The following TAF1L variants were observed in gnomAD, a reference collection of about 807,000 sequenced individuals.
TAF1L encodes TATA-box binding protein associated factor 1 like.
A neutral mutation model predicts 128.8 loss-of-function variants in TAF1L; 30 were observed. The ratio of observed to expected loss-of-function variants is 0.23; its 90% CI spans 0.17 to 0.32. The LOEUF is 0.32. Among genes scored for constraint, TAF1L ranks in the 10% least tolerant of loss-of-function variants. The pLI is 1.00. For synonymous variants in TAF1L, 764 were observed against 790.7 expected, an observed-to-expected ratio of 0.97 and a Z score of 0.57; for missense variants, 2,099 against 2,253.7, an observed-to-expected ratio of 0.93 and a Z score of 1.39.
At position 32,631,959 on chromosome 9, in the gene TAF1L, T is replaced by C. The variant is rs371960425; in HGVS notation, c.3621A>G (p.Pro1207=). Residue 1207 remains proline (P), a synonymous_variant, in exon 1 of 1, where the codon CCA becomes CCG. Coordinates refer to ENST00000242310, the MANE Select transcript of TAF1L (RefSeq NM_153809.2). The surrounding 1 kb of genome is among the most constrained non-coding windows in gnomAD (Gnocchi z 4.1). ...EYVRCETVRK[P]AVIDAYVRIR... is the part of the protein sequence containing the mutation. ...TGCGCACATAGGCATCAATGACAGC[T>C]GGTTTTCGGACTGTCTCACAGCGAA... 6.8e-6 allele frequency: 11 copies of C among 1,614,122 alleles called. No individual in the cohort carries two copies. Among genetic ancestry groups the C allele is most frequent in the Middle Eastern group, 3.3e-4 (2 of 6,084 alleles).
Position 32,630,211 on chromosome 9 carries a change from TGGATAGCAGAGAAA to T in TAF1L, c.5355_5368del (p.Phe1786AlafsTer3). On this transcript the variant is annotated frameshift_variant, in exon 1 of 1. Coordinates refer to ENST00000242310, the MANE Select transcript of TAF1L (RefSeq NM_153809.2). LOFTEE classifies it high-confidence loss of function. ...AGAGTCACTTCCACTTTCACTCAGC[TGGATAGCAGAGAAA>T]GGATTGTCTCCTTCTTCGTCACTCC... 6.2e-7 allele frequency: 1 copy of T among 1,614,240 alleles called. No homozygotes were observed. The highest frequency in any genetic ancestry group is 2.2e-5 in the East Asian group (1 of 44,892).
At position 32,631,867 on chromosome 9, in the gene TAF1L, T is replaced by A; in HGVS notation, c.3713A>T (p.Glu1238Val). ...AATCCTCCGCCGTTCTTTCCGCATC[T>A]CTTCCCGATGTTTTTCATCAAAAAG... The part of the protein sequence containing the change: ...FALFDEKHRE[E>V]MRKERRRIQE... The change falls in exon 1 of 1, where the codon GAG (glutamate) becomes GTG (valine). Residue 1238 changes from glutamate (E) to valine (V), a missense_variant. By Grantham distance (121) the Glu-to-Val change is moderately radical (BLOSUM62 -2). This residue lies in a region of TAF1L where 1,213 missense variants were observed against 1,391.4 expected (regional missense o/e 0.87). Transcript: ENST00000242310. This position sits in a 1 kb window ranked among gnomAD's most constrained non-coding sequence, Gnocchi z 4.1. The A allele has an allele frequency of 6.2e-7, 1 of 1,614,110 alleles. No individual in the cohort carries two copies. Among genetic ancestry groups the A allele is most frequent in the African/African-American group, 1.3e-5 (1 of 74,936 alleles).
In TAF1L at chr9:32,630,696, CT is replaced by C; in HGVS notation, c.4883del (p.Glu1628GlyfsTer3). ...ICYQTITEYD[E>X]HLTQLEKDIC... ...TATCCTTCTCAAGTTGAGTCAAATG[CT>C]CATCATACTCAGTAATTGTCTGGTA... is the stretch of plus-strand genomic sequence containing the variant. On this transcript the variant is annotated frameshift_variant, in exon 1 of 1. Transcript: ENST00000242310. LOFTEE classifies it high-confidence loss of function. 6.2e-7 allele frequency: 1 copy of C among 1,614,166 alleles called. No individual in the cohort carries two copies. Among genetic ancestry groups the C allele is most frequent in the East Asian group, 2.2e-5 (1 of 44,884 alleles).
In TAF1L at chr9:32,633,025, G is replaced by T; in HGVS notation, c.2555C>A (p.Ala852Asp). Residue 852 changes from alanine to aspartate, a missense_variant, in exon 1 of 1, where the codon GCC becomes GAC. Ala to Asp is a moderately radical substitution (Grantham distance 126). This residue lies in a region of TAF1L where 1,213 missense variants were observed against 1,391.4 expected (regional missense o/e 0.87). Coordinates refer to ENST00000242310, the MANE Select transcript of TAF1L (RefSeq NM_153809.2). ...GCTGCTTTCTGAATGGGAAGGAAAGGCTTTTTTTATATCTTCCATTCGTAT... is the reference window on the plus strand; with the variant it reads ...GCTGCTTTCTGAATGGGAAGGAAAGTCTTTTTTTATATCTTCCATTCGTAT... ...RRIRMEDIKK[A>D]FPSHSESSIR... is the part of the protein sequence containing the mutation. 1 of 1,614,130 alleles carries T rather than the reference G, an allele frequency of 6.2e-7. No homozygotes were observed. The highest frequency in any genetic ancestry group is 1.1e-5 in the South Asian group (1 of 91,080).
rs752051578 is a variant in TAF1L, at chr9:32,634,995, C to A, written c.585G>T (p.Leu195Phe). Residue 195 changes from leucine (L) to phenylalanine (F), a missense_variant, in exon 1 of 1, where the codon TTG becomes TTT. Leu to Phe is a conservative substitution (Grantham distance 22). This residue lies in a region of TAF1L where 473 missense variants were observed against 429.6 expected (regional missense o/e 1.10). Coordinates refer to ENST00000242310, the MANE Select transcript of TAF1L (RefSeq NM_153809.2). ...TACTGAAATCCACTTTCTCTGAGGC[C>A]AAAAAGGAAGGGGCAATGATGGAGG... ...ILPSIIAPSF[L>F]ASEKVDFSSY... 7.4e-6 allele frequency: 12 copies of A among 1,613,926 alleles called. No homozygotes were observed. Among genetic ancestry groups the A allele is most frequent in the Non-Finnish European group, 9.3e-6 (11 of 1,179,986 alleles).
Position 32,630,052 on chromosome 9 carries a change from C to G in TAF1L, c.*47G>C. The stretch of plus-strand genomic sequence containing the variant: ...TAACTGATGTTGCTATCCTCCAAAT[C>G]ATGGGAAGCCTCCCCACCGTCTCCC... On this transcript the variant is annotated 3_prime_UTR_variant, in exon 1 of 1. Coordinates refer to ENST00000242310, the MANE Select transcript of TAF1L (RefSeq NM_153809.2). 6.2e-7 allele frequency: 1 copy of G among 1,608,310 alleles called. No homozygotes were observed.
Position 32,631,879 on chromosome 9 carries a change from T to C in TAF1L, c.3701A>G (p.Lys1234Arg), listed in dbSNP as rs1480769129. The C allele has an allele frequency of 1.2e-6, 2 of 1,614,104 alleles. No individual in the cohort carries two copies. Among genetic ancestry groups the C allele is most frequent in the African/African-American group, 2.7e-5 (2 of 74,928 alleles). ...TTCTTTCCGCATCTCTTCCCGATGT[T>C]TTTCATCAAAAAGGGCAAATTTTTG... ...FIQKFALFDE[K>R]HREEMRKERR... Residue 1234 changes from lysine to arginine, a missense_variant, in exon 1 of 1, where the codon AAA (lysine) becomes AGA (arginine). Lys to Arg is a conservative substitution (Grantham distance 26). Around this residue, in one of 4 missense-constraint regions of TAF1L, gnomAD observed 1,213 missense variants for 1,391.4 expected, o/e 0.87. Transcript: ENST00000242310. The surrounding 1 kb of genome is among the most constrained non-coding windows in gnomAD (Gnocchi z 4.1).
rs753460641 is a variant in TAF1L, at chr9:32,631,414, G to A, written c.4166C>T (p.Pro1389Leu). ...TTVHCDYLNI[P>L]HKSIHRRRTD... ...GCGGCGTCGGTGGATGGACTTATGA[G>A]GTATATTCAAATAGTCACAATGAAC... Residue 1389 changes from proline (P) to leucine (L), a missense_variant, in exon 1 of 1, where the codon CCT becomes CTT. Pro to Leu is a moderately conservative substitution (Grantham distance 98). Around this residue, in one of 4 missense-constraint regions of TAF1L, gnomAD observed 1,213 missense variants for 1,391.4 expected, o/e 0.87. Transcript: ENST00000242310. The surrounding 1 kb of genome is among the most constrained non-coding windows in gnomAD (Gnocchi z 4.1). 1.2e-6 allele frequency: 2 copies of A among 1,614,020 alleles called. No homozygotes were observed. The highest frequency in any genetic ancestry group is 1.7e-6 in the Non-Finnish European group (2 of 1,180,052).
Position 32,634,272 on chromosome 9 carries a change from A to G in TAF1L, c.1308T>C (p.Asp436=), listed in dbSNP as rs774069855. 1 of 1,614,138 alleles carries G rather than the reference A, an allele frequency of 6.2e-7. No individual in the cohort carries two copies. Among genetic ancestry groups the G allele is most frequent in the South Asian group, 1.1e-5 (1 of 91,080 alleles). The change falls in exon 1 of 1, where the codon GAT becomes GAC. Residue 436 remains aspartate (D), a synonymous_variant. Coordinates refer to ENST00000242310, the MANE Select transcript of TAF1L (RefSeq NM_153809.2). ...TCCCTTTGTGTTTGATATCCTCCCC[A>G]TCCCAGATGATAGAATCCTCCCAAT... ...QLHWEDSIIW[D]GEDIKHKGTK... is the part of the protein sequence containing the mutation.
At position 32,633,207 on chromosome 9, in the gene TAF1L, A is replaced by G. The variant is rs1822539526; in HGVS notation, c.2373T>C (p.Tyr791=). The G allele has an allele frequency of 2.2e-5, 35 of 1,614,218 alleles. No homozygotes were observed. The highest frequency in any genetic ancestry group is 3.0e-5 in the Non-Finnish European group (35 of 1,180,044). The change falls in exon 1 of 1, where the codon TAT becomes TAC. Residue 791 remains tyrosine, a synonymous_variant. Coordinates refer to ENST00000242310, the MANE Select transcript of TAF1L (RefSeq NM_153809.2). ...FLIIRTRQGY[Y]IRELVDIFVV... ...CAAAAATATCCACTAATTCCCGAATATAGTAACCCTGTCTTGTCCGAATGA... is the reference window on the plus strand; with the variant it reads ...CAAAAATATCCACTAATTCCCGAATGTAGTAACCCTGTCTTGTCCGAATGA...
rs1822529870 is a variant in TAF1L at position 32,632,449 on chromosome 9, A to T, written c.3131T>A (p.Val1044Glu). The T allele has an allele frequency of 4.3e-6, 7 of 1,614,168 alleles. No homozygotes were observed. Among genetic ancestry groups the T allele is most frequent in the Admixed American group, 1.7e-5 (1 of 60,026 alleles). The change falls in exon 1 of 1, where the codon GTG becomes GAG. Residue 1044 changes from valine to glutamate, a missense_variant. Val to Glu is a moderately radical substitution (Grantham distance 121). Coordinates refer to ENST00000242310, the MANE Select transcript of TAF1L (RefSeq NM_153809.2). The surrounding 1 kb of genome is among the most constrained non-coding windows in gnomAD (Gnocchi z 4.4). ...EEIKKLSRWE[V>E]IDVVRTMSTE... Reference sequence around the variant, plus strand: ...TGACATTGTGCGCACCACATCAATCACTTCCCAGCGGGACAACTTTTTAAT... The same window carrying T: ...TGACATTGTGCGCACCACATCAATCTCTTCCCAGCGGGACAACTTTTTAAT...
In TAF1L at chr9:32,633,688, A is replaced by G. The variant is rs1587671823; in HGVS notation, c.1892T>C (p.Ile631Thr). Residue 631 changes from isoleucine to threonine, a missense_variant, in exon 1 of 1, where the codon ATC becomes ACC. Ile to Thr is a moderately conservative substitution (Grantham distance 89). Around this residue, in one of 4 missense-constraint regions of TAF1L, gnomAD observed 1,213 missense variants for 1,391.4 expected, o/e 0.87. Coordinates refer to ENST00000242310, the MANE Select transcript of TAF1L (RefSeq NM_153809.2). ...CAGAGGTGGGCGATGGAACTGCCGG[A>G]TTTTGATGGGCCCCATGTGGGTGGG... ...FFPTHMGPIK[I>T]RQFHRPPLKK... 4 of 1,614,100 alleles carry G rather than the reference A, an allele frequency of 2.5e-6. No homozygotes were observed. In the East Asian group the frequency reaches 6.7e-5, roughly 27 times the overall value.
chr9:32,635,457 A>G lies in TAF1L; in HGVS notation c.123T>C (p.Leu41=). 1 of 1,614,176 alleles carries G rather than the reference A, an allele frequency of 6.2e-7. No individual in the cohort carries two copies. Among genetic ancestry groups the G allele is most frequent in the Non-Finnish European group, 8.5e-7 (1 of 1,180,032 alleles). ...GCCCCGCTCCACTGATGTTGCCGAA[A>G]AGGATACCCGCTAAAGTAAATGGGC... is the stretch of plus-strand genomic sequence containing the variant. ...GGGPFTLAGI[L]FGNISGAGQL... The change falls in exon 1 of 1, where the codon CTT becomes CTC. Residue 41 remains leucine (L), a synonymous_variant. Coordinates refer to ENST00000242310, the MANE Select transcript of TAF1L (RefSeq NM_153809.2).
rs777168319 is a variant in TAF1L at position 32,630,172 on chromosome 9, C to T, written c.5408G>A (p.Gly1803Asp). 1 of 1,614,208 alleles carries T rather than the reference C, an allele frequency of 6.2e-7. No individual in the cohort carries two copies. ...ESGSDSDVGY[G>D]GIRPKQPFML... is the part of the protein sequence containing the mutation. The stretch of plus-strand genomic sequence containing the variant: ...GAAGGGTTGTTTGGGTCTTATTCCA[C>T]CATATCCCACATCAGAGTCACTTCC... Residue 1803 changes from glycine to aspartate, a missense_variant, in exon 1 of 1, where the codon GGT becomes GAT. This residue lies in a region of TAF1L where 404 missense variants were observed against 406.5 expected (regional missense o/e 0.99). Transcript: ENST00000242310.
Position 32,630,701 on chromosome 9 carries a change from C to T in TAF1L, c.4879G>A (p.Asp1627Asn). The change falls in exon 1 of 1, where the codon GAT becomes AAT. Residue 1627 changes from aspartate (D) to asparagine (N), a missense_variant. This residue lies in a region of TAF1L where 404 missense variants were observed against 406.5 expected (regional missense o/e 0.99). Transcript: ENST00000242310. The stretch of plus-strand genomic sequence containing the variant: ...TTCTCAAGTTGAGTCAAATGCTCAT[C>T]ATACTCAGTAATTGTCTGGTAACAG... Reference protein sequence around the residue: ...NICYQTITEYDEHLTQLEKDI... With the variant: ...NICYQTITEYNEHLTQLEKDI... 2.5e-6 allele frequency: 4 copies of T among 1,614,176 alleles called. No homozygotes were observed. Among genetic ancestry groups the T allele is most frequent in the Non-Finnish European group, 3.4e-6 (4 of 1,180,036 alleles).
Position 32,631,123 on chromosome 9 carries a change from G to A in TAF1L, c.4457C>T (p.Thr1486Ile). 6.2e-7 allele frequency: 1 copy of A among 1,614,236 alleles called. No homozygotes were observed. The highest frequency in any genetic ancestry group is 1.3e-5 in the African/African-American group (1 of 75,072). Residue 1486 changes from threonine to isoleucine, a missense_variant, in exon 1 of 1, where the codon ACT becomes ATT. By Grantham distance (89) the Thr-to-Ile change is moderately conservative. This residue lies in a region of TAF1L where 404 missense variants were observed against 406.5 expected (regional missense o/e 0.99). Transcript: ENST00000242310. The surrounding 1 kb of genome is among the most constrained non-coding windows in gnomAD (Gnocchi z 4.1). ...ATCCAGCATGGATTGAGAGATCTGA[G>A]TCAATGAATGTTTTGGCCCATTGTA... ...ATYNGPKHSL[T>I]QISQSMLDLC...
chr9:32,634,326 G>A lies in TAF1L; in HGVS notation c.1254C>T (p.Asp418=), dbSNP rs757349383. 17 of 1,614,012 alleles carry A rather than the reference G, an allele frequency of 1.1e-5. No homozygotes were observed. Among genetic ancestry groups the A allele is most frequent in the East Asian group, 2.2e-5 (1 of 44,890 alleles). The change falls in exon 1 of 1, where the codon GAC becomes GAT. Residue 418 remains aspartate, a synonymous_variant. Coordinates refer to ENST00000242310, the MANE Select transcript of TAF1L (RefSeq NM_153809.2). ...GCTGTGTCACCATCAGGAAGTTTTC[G>A]TCAGCCAGAAGATCAGTGCCATTGC... ...EESNGTDLLA[D]ENFLMVTQLH... is the part of the protein sequence containing the mutation.
In TAF1L at chr9:32,632,584, T is replaced by G. The variant is rs1822531489; in HGVS notation, c.2996A>C (p.Glu999Ala). ...CACTGTCTTCTTCACTGCCTGTGGC[T>G]CTTTATCATCCTTCTGCTGTGTTGG... ...NKPTQQKDDK[E>A]PQAVKKTVTG... Residue 999 changes from glutamate to alanine, a missense_variant, in exon 1 of 1, where the codon GAG (glutamate) becomes GCG (alanine). Around this residue, in one of 4 missense-constraint regions of TAF1L, gnomAD observed 1,213 missense variants for 1,391.4 expected, o/e 0.87. Coordinates refer to ENST00000242310, the MANE Select transcript of TAF1L (RefSeq NM_153809.2). The surrounding 1 kb of genome is among the most constrained non-coding windows in gnomAD (Gnocchi z 4.4). 6.2e-7 allele frequency: 1 copy of G among 1,614,136 alleles called. No homozygotes were observed. The highest frequency in any genetic ancestry group is 1.3e-5 in the African/African-American group (1 of 74,954).
Position 32,632,047 on chromosome 9 carries a change from G to A in TAF1L, c.3533C>T (p.Ser1178Phe). 6.2e-7 allele frequency: 1 copy of A among 1,614,182 alleles called. No homozygotes were observed. Among genetic ancestry groups the A allele is most frequent in the Non-Finnish European group, 8.5e-7 (1 of 1,180,040 alleles). ...VTASMTSLKS[S>F]ATGHCLKIYR... is the part of the protein sequence containing the mutation. Reference sequence around the variant, plus strand: ...AATCTTGAGACAGTGTCCAGTGGCAGAAGACTTAAGGCTAGTCATGGAAGC... The same window carrying A: ...AATCTTGAGACAGTGTCCAGTGGCAAAAGACTTAAGGCTAGTCATGGAAGC... The change falls in exon 1 of 1, where the codon TCT (serine) becomes TTT (phenylalanine). Residue 1178 changes from serine (S) to phenylalanine (F), a missense_variant. Around this residue, in one of 4 missense-constraint regions of TAF1L, gnomAD observed 1,213 missense variants for 1,391.4 expected, o/e 0.87. Coordinates refer to ENST00000242310, the MANE Select transcript of TAF1L (RefSeq NM_153809.2). The surrounding 1 kb of genome is among the most constrained non-coding windows in gnomAD (Gnocchi z 4.4).
Sources: gnomAD v4.1 joint callset for allele counts on GRCh38, gnomAD v4.1.1 for gene constraint, gnomAD v4.1.1 regional missense constraint, Gnocchi (gnomAD v3.1) non-coding constraint, MANE v1.5 for transcripts, NCBI Gene and HGNC (gene_info 2026-07-23, HGNC 2026-07-21) for gene names.